GRIP1: variants seen among roughly 807,000 people sequenced by gnomAD.
GRIP1 encodes glutamate receptor-interacting protein 1.
A neutral mutation model predicts 129.9 loss-of-function variants in GRIP1; 45 were observed. That is an observed-to-expected ratio of 0.35 (90% CI 0.27 to 0.44). The LOEUF (loss-of-function observed/expected upper bound fraction) is 0.44, where lower values mean the gene tolerates loss of function less well. GRIP1 is among the 20% of genes least tolerant of loss of function. GRIP1 has a pLI of 1.00. For missense variants in GRIP1, 1,196 were observed against 1,396.8 expected (o/e 0.86, Z 2.29); for synonymous variants, 530 against 520.8 (o/e 1.02, Z -0.24).
chr12:66,949,760 C>CTTTTTTTTTTTTTTTT (rs781123585), intron 1 of GRIP1, among the ~76,000 whole-genome samples: 1 of 85,426 alleles, frequency 1.2e-5, no homozygotes, highest in Non-Finnish European at 2.2e-5. Flanking sequence ...CATGCTCCTC[C>CTTTTTTTTTTTTTTTT]TTTTTTTTTT....
chr12:67,045,866 G>A (rs1033544632), intron 1 of GRIP1, among the ~76,000 whole-genome samples: 17 of 152,146 alleles, frequency 1.1e-4, no homozygotes, highest in African/African-American at 3.6e-4. Context: ...CACATGCCAT[G>A]AGAGTGATCA....
chr12:66,738,519 C>A (rs1468567663), intron 1 of GRIP1, among the ~76,000 whole-genome samples: 1 of 152,148 alleles, frequency 6.6e-6, no homozygotes, highest in Non-Finnish European at 1.5e-5. Context: ...CCACGCCCAC[C>A]CACTTATTTC....
rs1248823185 is a variant in GRIP1 at position 67,061,634 on chromosome 12, T to C, written c.58+7416A>G. The stretch of plus-strand genomic sequence containing the variant: ...GTACAACCATTCCCTCTCTTTCAGC[T>C]TAAAAACTCATGTAAAATTCTAAAT... On this transcript the variant is annotated intron_variant, in intron 1 of 1. Coordinates refer to the GRIP1 transcript ENST00000643019. 3.3e-5 allele frequency among the ~76,000 whole-genome samples: 5 copies of C among 152,282 alleles called. No homozygotes were observed. The South Asian group carries it at 8.3e-4, about 25-fold the overall frequency.
At chr12:66,959,453 C>A (rs1176562114) in intron 1 of GRIP1, among the ~76,000 whole-genome samples, 2 of 152,110 alleles carry the variant, frequency 1.3e-5, no homozygotes, top group Admixed American at 1.3e-4. Context: ...GATTATGCAT[C>A]TATTAAAACT....
intron 7 of GRIP1, among the ~76,000 whole-genome samples, chr12:66,474,664 G>T (rs1266354077): frequency 1.3e-5 from 2 of 151,732 alleles, no homozygotes; most frequent in Admixed American, 6.6e-5. Flanking sequence ...AGAGAGTGGG[G>T]GCCAATATTC....
At chr12:66,616,842 T>G (rs1015809469) in intron 1 of GRIP1, among the ~76,000 whole-genome samples, 1 of 152,142 alleles carries the variant, frequency 6.6e-6, no homozygotes, top group Non-Finnish European at 1.5e-5. Context: ...TCACAGTGAC[T>G]GTGGCTTAGC....
Position 66,884,532 on chromosome 12 carries a change from A to G in GRIP1, c.58+184518T>C, listed in dbSNP as rs79648359. 5.4e-3 allele frequency among the ~76,000 whole-genome samples: 824 copies of G among 152,338 alleles called. 41 individuals are homozygous for G. The East Asian group carries it at 0.13, about 23-fold the overall frequency. On this transcript the variant is annotated intron_variant, in intron 1 of 1. Coordinates refer to the GRIP1 transcript ENST00000643019. ...TTGAATGGAGGATGCAGCTTAAGAT[A>G]TTACTATTCAGCAGAACTGACACCA...
intron 1 of GRIP1, among the ~76,000 whole-genome samples, chr12:67,008,569 G>C (rs1458656262): frequency 6.6e-6 from 1 of 152,150 alleles, no homozygotes; most frequent in Non-Finnish European, 1.5e-5. Flanking sequence ...TGGAATTAGA[G>C]AGGATGGGAT....
intron 1 of GRIP1, among the ~76,000 whole-genome samples, chr12:66,721,836 G>T (rs549710988): frequency 2.8e-4 from 43 of 152,300 alleles, no homozygotes; most frequent in African/African-American, 9.6e-4. Flanking sequence ...AGCACTTGCT[G>T]CTTCACCTTG....
intron 13 of GRIP1, among the ~76,000 whole-genome samples, chr12:66,442,925 T>A (rs1048495442): frequency 2.6e-5 from 4 of 152,360 alleles, no homozygotes; most frequent in African/African-American, 9.6e-5. Flanking sequence ...AAGCTTTTTT[T>A]ACTTTCTTGT....
chr12:66,715,682 A>ACCT (rs2136421937), intron 1 of GRIP1, among the ~76,000 whole-genome samples: 1 of 152,212 alleles, frequency 6.6e-6, no homozygotes, highest in East Asian at 1.9e-4. Flanking sequence ...GGTCTTGCTC[A>ACCT]GACCTGTTCC....
intron 23 of GRIP1, among the ~76,000 whole-genome samples, chr12:66,357,822 A>G (rs866391157): frequency 1.3e-5 from 2 of 152,228 alleles, no homozygotes; most frequent in African/African-American, 2.4e-5. Flanking sequence ...TGGTGGCCCA[A>G]TGAGAATTTG....
At chr12:66,398,882 G>T (rs187070091) in intron 16 of GRIP1, among the ~76,000 whole-genome samples, 3 of 151,844 alleles carry the variant, frequency 2.0e-5, no homozygotes, top group South Asian at 4.1e-4. Context: ...TAAGGATCTC[G>T]CTACTTGGTT....
At chr12:66,804,814 C>T (rs1327978587), upstream of GRIP1, among the ~76,000 whole-genome samples, 1 of 152,196 alleles carries the variant, frequency 6.6e-6, no homozygotes, top group Non-Finnish European at 1.5e-5. Context: ...ACCCTTTGTG[C>T]TCCCTTGCAT....
intron 16 of GRIP1, among the ~76,000 whole-genome samples, chr12:66,399,023 A>G (rs770129923): frequency 5.3e-5 from 8 of 152,012 alleles, no homozygotes; most frequent in Non-Finnish European, 1.2e-4. Flanking sequence ...AATGAATATT[A>G]GCATGTAGTC....
At chr12:66,390,550 T>C (rs1392700807) in intron 19 of GRIP1, among the ~76,000 whole-genome samples, 1 of 152,218 alleles carries the variant, frequency 6.6e-6, no homozygotes, top group East Asian at 1.9e-4. Context: ...GGGCAGGTCC[T>C]ATATTCAGTT....
Position 66,445,336 on chromosome 12 carries a change from G to A in GRIP1, c.1527C>T (p.Asp509=), listed in dbSNP as rs1309584664. 1.2e-6 allele frequency: 2 copies of A among 1,613,906 alleles called. No individual in the cohort carries two copies. The highest frequency in any genetic ancestry group is 1.7e-6 in the Non-Finnish European group (2 of 1,179,868). The change falls in exon 12 of 25, where the codon GAC becomes GAT. Residue 509 remains aspartate (D), a synonymous_variant. Coordinates refer to ENST00000359742, the MANE Select transcript of GRIP1 (RefSeq NM_001366722.1). The part of the protein sequence containing the change: ...SPPLISYIEA[D]SPAERCGVLQ... The stretch of plus-strand genomic sequence containing the variant: ...AAGTGTCTCACCTCTCTGCTGGGCT[G>A]TCAGCTTCGATATAGGAAATCAGAG...
At position 66,410,618 on chromosome 12, in the gene GRIP1, G is replaced by A. The variant is rs2057367738; in HGVS notation, c.1839-4190C>T. Among the ~76,000 whole-genome samples, 4 of 151,626 alleles carry A rather than the reference G, an allele frequency of 2.6e-5. No homozygotes were observed. The South Asian group carries it at 8.4e-4, about 32-fold the overall frequency. ...AGATTGCACCACATCACTCAGCCTGGGCATCAGAGTGAGACTCTGTCTCAA... is the reference window on the plus strand; with the variant it reads ...AGATTGCACCACATCACTCAGCCTGAGCATCAGAGTGAGACTCTGTCTCAA... On this transcript the variant is annotated intron_variant, in intron 15 of 24. Coordinates refer to ENST00000359742, the MANE Select transcript of GRIP1 (RefSeq NM_001366722.1).
intron 1 of GRIP1, among the ~76,000 whole-genome samples, chr12:66,770,780 T>TA (rs1277723178): frequency 6.6e-6 from 1 of 152,200 alleles, no homozygotes; most frequent in African/African-American, 2.4e-5. Context: ...CCACTTATTT[T>TA]ACCAGACAAG....
Sources: allele counts gnomAD v4.1 joint callset (sites outside exome capture counted in the v4.1 genomes callset), GRCh38; gene constraint gnomAD v4.1.1; transcripts MANE v1.5; gene names NCBI Gene and HGNC (gene_info 2026-07-23, HGNC 2026-07-21).